The following APH1A variants were observed in gnomAD, a reference collection of about 807,000 sequenced individuals.
APH1A encodes aph-1A gamma-secretase subunit.
APH1A carries 16 observed loss-of-function variants against 30.3 expected under a neutral mutation model. The ratio of observed to expected loss-of-function variants is 0.53; its 90% confidence interval spans 0.36 to 0.80. APH1A has a LOEUF of 0.80. APH1A is among the 30% of genes least tolerant of loss of function. The pLI, the probability that APH1A is intolerant of heterozygous loss-of-function variation, is 0.01. For missense variants in APH1A, 245 were observed against 337.8 expected (o/e 0.73, Z 2.15); for synonymous variants, 144 against 140.1 (o/e 1.03, Z -0.20).
intron 3 of APH1A, 94 bp downstream of exon 3, chr1:150,267,622 G>A (rs958161951): frequency 1.3e-6 from 2 of 1,571,884 alleles, no homozygotes; most frequent in Non-Finnish European, 1.7e-6. Context: ...ATGAAGGAAA[G>A]TAAGAAGCCA....
intron 6 of APH1A, 49 bp downstream of exon 6, chr1:150,266,484 C>A: frequency 6.2e-7 from 1 of 1,611,822 alleles, no homozygotes. Context: ...GGGCAGTGGA[C>A]AGGCAGGTGG....
At position 150,266,009 on chromosome 1, in the gene APH1A, G is replaced by A; in HGVS notation, c.*121C>T. 8.5e-7 allele frequency: 1 copy of A among 1,174,812 alleles called. No individual in the cohort carries two copies. Among genetic ancestry groups the A allele is most frequent in the Middle Eastern group, 2.0e-4 (1 of 5,044 alleles). 72.8% of individuals were successfully genotyped at this position (1,174,812 alleles called of 1,614,324 possible). Reference sequence around the variant, plus strand: ...AGCCTCCATTAATTTCATCTCCAGGGCAATGGCTAAACTAGGTCCCTTTTC... The same window carrying A: ...AGCCTCCATTAATTTCATCTCCAGGACAATGGCTAAACTAGGTCCCTTTTC... On this transcript the variant is annotated 3_prime_UTR_variant, in exon 7 of 7. Transcript: ENST00000369109.
chr1:150,266,203 G>T lies in APH1A; in HGVS notation c.734-9C>A. 6.3e-7 allele frequency: 1 copy of T among 1,595,412 alleles called. No homozygotes were observed. The highest frequency in any genetic ancestry group is 8.5e-7 in the Non-Finnish European group (1 of 1,171,016). On this transcript the variant is annotated splice_polypyrimidine_tract_variant and intron_variant, in intron 6 of 6. Coordinates refer to ENST00000369109, the MANE Select transcript of APH1A (RefSeq NM_001077628.3). ...GTCCTCCTGCCGTCGGCCTGCAGAG[G>T]GGAAGGGAGGTGAGTCTTGGGCAGG...
At position 150,266,667 on chromosome 1, in the gene APH1A, G is replaced by A; in HGVS notation, c.610-11C>T. The A allele has an allele frequency of 6.2e-7, 1 of 1,613,678 alleles. No homozygotes were observed. Among genetic ancestry groups the A allele is most frequent in the Non-Finnish European group, 8.5e-7 (1 of 1,179,802 alleles). On this transcript the variant is annotated splice_polypyrimidine_tract_variant and intron_variant, in intron 5 of 6. Transcript: ENST00000369109. The stretch of plus-strand genomic sequence containing the variant: ...GGGGTTCAGGAATGTCTAGGAAGGA[G>A]GGTAAGAGTAGGAAAGAGATTAGAT...
In APH1A at chr1:150,268,884, T is replaced by A. The variant is rs200412198; in HGVS notation, c.-74A>T. Reference sequence around the variant, plus strand: ...TGGGAGGGGCGCGCCAGCTGGGGAGTCCGCGTGGGGTGGCAACGCGACCCC... The same window carrying A: ...TGGGAGGGGCGCGCCAGCTGGGGAGACCGCGTGGGGTGGCAACGCGACCCC... On this transcript the variant is annotated 5_prime_UTR_variant, in exon 1 of 7. Transcript: ENST00000369109. 1.4e-6 allele frequency: 2 copies of A among 1,381,848 alleles called. No individual in the cohort carries two copies. The highest frequency in any genetic ancestry group is 2.0e-6 in the Non-Finnish European group (2 of 999,186). 85.6% of individuals were successfully genotyped at this position (1,381,848 alleles called of 1,614,324 possible). A position where few individuals can be genotyped will look rare whatever the true frequency, so the allele number is the denominator to read the frequency against.
In APH1A at chr1:150,265,408, A is replaced by T. The variant is rs1181050450; in HGVS notation, c.*722T>A. The T allele has an allele frequency of 1.3e-5, 2 of 152,172 alleles. No individual in the cohort carries two copies. The highest frequency in any genetic ancestry group is 4.8e-5 in the African/African-American group (2 of 41,422). The allele number at this position is 152,172 out of a possible 1,614,324, so 9.4% of individuals were successfully genotyped here. Reference sequence around the variant, plus strand: ...AAAAGCCAAGTTCCCCCACAATTACAAATTCTTTTTTATTAGTCAAAATCA... The same window carrying T: ...AAAAGCCAAGTTCCCCCACAATTACTAATTCTTTTTTATTAGTCAAAATCA... On this transcript the variant is annotated 3_prime_UTR_variant, in exon 7 of 7. Transcript: ENST00000369109.
At chr1:150,267,895 G>A in intron 2 of APH1A, 62 bp downstream of exon 2, 1 of 1,612,376 alleles carries the variant, frequency 6.2e-7, no homozygotes, top group Non-Finnish European at 8.5e-7. Flanking sequence ...CCCAGGGGCT[G>A]CCCCACTTCC....
chr1:150,266,269 A>T (rs941413556), intron 6 of APH1A, 75 bp from the exon 7 acceptor site: 41 of 1,536,464 alleles, frequency 2.7e-5, no homozygotes, highest in Non-Finnish European at 3.3e-5. Context: ...CCTGGACACA[A>T]CAAGGGGGTC....
At chr1:150,268,598 T>C (rs1560035594) in intron 1 of APH1A, 100 bp downstream of exon 1, 2 of 1,206,186 alleles carry the variant, frequency 1.7e-6, no homozygotes, top group Non-Finnish European at 2.3e-6. Flanking sequence ...CTCCGACTTA[T>C]CGTCCCCAAT....
Position 150,265,966 on chromosome 1 carries a change from A to G in APH1A, c.*164T>C. 3.7e-6 allele frequency: 3 copies of G among 819,752 alleles called. No homozygotes were observed. The highest frequency in any genetic ancestry group is 5.6e-6 in the Non-Finnish European group (3 of 531,182). 50.8% of individuals were successfully genotyped at this position (819,752 alleles called of 1,614,324 possible). ...GTCTTGAGGGAGTACTGAGAAACTC[A>G]GAGCTCATCTATCCTTGAGCCTCCA... On this transcript the variant is annotated 3_prime_UTR_variant, in exon 7 of 7. Transcript: ENST00000369109.
At chr1:150,266,418 G>A (rs782703204) in intron 6 of APH1A, 115 bp downstream of exon 6, 19 of 1,558,408 alleles carry the variant, frequency 1.2e-5, no homozygotes, top group Admixed American at 5.5e-5. Context: ...GTAGACCGAC[G>A]AGAAGGAGAC....
rs781835631 is a variant in APH1A, at chr1:150,267,082, G to T, written c.602C>A (p.Ser201Ter). 6.2e-7 allele frequency: 1 copy of T among 1,614,020 alleles called. No homozygotes were observed. The highest frequency in any genetic ancestry group is 8.5e-7 in the Non-Finnish European group (1 of 1,180,010). ...CCCCTGTCTCCAACTCACCAGTCCC[G>T]ATGTCAGTAGGTGACTCCCAACCAC... ...GLVVGSHLLT[S>*]GLTFLNPWYE... Residue 201 changes from serine (S) to a stop codon, truncating the protein, a stop_gained, in exon 5 of 7, where the codon TCG (serine) becomes TAG (stop). Coordinates refer to ENST00000369109, the MANE Select transcript of APH1A (RefSeq NM_001077628.3). LOFTEE classifies it high-confidence loss of function.
rs200285367 is a variant in APH1A at position 150,267,216 on chromosome 1, G to T, written c.482-14C>A. 44 of 1,614,076 alleles carry T rather than the reference G, an allele frequency of 2.7e-5. No homozygotes were observed. The highest frequency in any genetic ancestry group is 3.5e-5 in the Non-Finnish European group (41 of 1,180,042). On this transcript the variant is annotated splice_polypyrimidine_tract_variant and intron_variant, in intron 4 of 6. Coordinates refer to ENST00000369109, the MANE Select transcript of APH1A (RefSeq NM_001077628.3). The stretch of plus-strand genomic sequence containing the variant: ...CTGTCAGAAAGGCTGCAGGGAGGGA[G>T]ATGGGGAGGAGATACATCCCTGATC...
chr1:150,268,754 C>G lies in APH1A; in HGVS notation c.57G>C (p.Ala19=). The stretch of plus-strand genomic sequence containing the variant: ...CCCCAGCCACAGTGATCAAGAAAAG[C>G]GCGAAGGCCGGGCCGAACGCGACGA... ...CTFVAFGPAF[A]LFLITVAGDP... is the part of the protein sequence containing the mutation. The change falls in exon 1 of 7, where the codon GCG becomes GCC. Residue 19 remains alanine, a synonymous_variant. Transcript: ENST00000369109. 1 of 1,613,854 alleles carries G rather than the reference C, an allele frequency of 6.2e-7. No homozygotes were observed. The highest frequency in any genetic ancestry group is 8.5e-7 in the Non-Finnish European group (1 of 1,179,922).
At position 150,266,529 on chromosome 1, in the gene APH1A, TTAC is replaced by T; in HGVS notation, c.733+1_733+3del. Reference sequence around the variant, plus strand: ...GGCGATCAGTCCAGGTAGTCAGTCCTTACACAAGAGGCTGCGCTGAATACTTCG... The same window carrying T: ...GGCGATCAGTCCAGGTAGTCAGTCCTACAAGAGGCTGCGCTGAATACTTCG... On this transcript the variant is annotated splice_donor_variant and splice_donor_region_variant and intron_variant, in intron 6 of 6. Coordinates refer to ENST00000369109, the MANE Select transcript of APH1A (RefSeq NM_001077628.3). LOFTEE classifies it high-confidence loss of function. 6.2e-7 allele frequency: 1 copy of T among 1,614,084 alleles called. No homozygotes were observed. Among genetic ancestry groups the T allele is most frequent in the Non-Finnish European group, 8.5e-7 (1 of 1,179,992 alleles).
Position 150,267,055 on chromosome 1 carries a change from G to GGCCCCTGTCTCCAACTCAC in APH1A, c.609+1_609+19dup. 6.2e-7 allele frequency: 1 copy of GGCCCCTGTCTCCAACTCAC among 1,613,808 alleles called. No individual in the cohort carries two copies. Among genetic ancestry groups the GGCCCCTGTCTCCAACTCAC allele is most frequent in the East Asian group, 2.2e-5 (1 of 44,876 alleles). On this transcript the variant is annotated intron_variant, in intron 5 of 6. Transcript: ENST00000369109. ...ATTAAATGCTTTTCTCCCTAACTCAGGCCCCTGTCTCCAACTCACCAGTCC... is the reference window on the plus strand; with the variant it reads ...ATTAAATGCTTTTCTCCCTAACTCAGGCCCCTGTCTCCAACTCACGCCCCTGTCTCCAACTCACCAGTCC...
chr1:150,266,234 A>G (rs1422873570), intron 6 of APH1A, 40 bp from the exon 7 acceptor site: 3 of 1,572,534 alleles, frequency 1.9e-6, no homozygotes, highest in Non-Finnish European at 8.6e-7. Context: ...GCAGGGTGAG[A>G]GCAGAGCACT....
At position 150,268,789 on chromosome 1, in the gene APH1A, C is replaced by A; in HGVS notation, c.22G>T (p.Gly8Cys). Residue 8 changes from glycine to cysteine, a missense_variant, in exon 1 of 7, where the codon GGC becomes TGC. Coordinates refer to ENST00000369109, the MANE Select transcript of APH1A (RefSeq NM_001077628.3). ...GGGCCGAACGCGACGAAAGTGCAGCCGAAAAACACCGCAGCCCCCATGGCT... is the reference window on the plus strand; with the variant it reads ...GGGCCGAACGCGACGAAAGTGCAGCAGAAAAACACCGCAGCCCCCATGGCT... MGAAVFF[G>C]CTFVAFGPAF... 6.2e-7 allele frequency: 1 copy of A among 1,613,596 alleles called. No homozygotes were observed. Among genetic ancestry groups the A allele is most frequent in the Non-Finnish European group, 8.5e-7 (1 of 1,179,840 alleles).
intron 6 of APH1A, 59 bp downstream of exon 6, chr1:150,266,474 G>A (rs782087608): frequency 1.9e-6 from 3 of 1,610,816 alleles, no homozygotes; most frequent in Non-Finnish European, 2.5e-6. Context: ...GCTCAGTCAT[G>A]GGCAGTGGAC....
Sources: gnomAD v4.1 joint callset for allele counts on GRCh38, gnomAD v4.1.1 for gene constraint, MANE v1.5 for transcripts, NCBI Gene and HGNC (gene_info 2026-07-23, HGNC 2026-07-21) for gene names.